The following NSD1 variants were observed in gnomAD, a reference collection of about 807,000 sequenced individuals.
NSD1 encodes the protein histone-lysine N-methyltransferase, H3 lysine-36 specific.
A neutral mutation model predicts 242.7 loss-of-function variants in NSD1; 26 were observed. The observed-to-expected ratio is 0.11, with a 90% CI of 0.08 to 0.15. The LOEUF (loss-of-function observed/expected upper bound fraction) is 0.15, where lower values mean the gene tolerates loss of function less well. Ranked by LOEUF, NSD1 falls within the 10% of genes least tolerant of loss-of-function variation. The probability of loss-of-function intolerance (pLI) is 1.00; values close to 1 mark genes in which losing one functional copy is unlikely to be tolerated. For missense variants in NSD1, 2,495 were observed against 3,272.8 expected (o/e 0.76, Z 5.80); for synonymous variants, 1,106 against 1,178.1 (o/e 0.94, Z 1.25).
At chr5:177,220,663 G>A (rs1038207470) in intron 5 of NSD1, among the ~76,000 whole-genome samples, 3 of 144,140 alleles carry the variant, frequency 2.1e-5, no homozygotes, top group East Asian at 2.3e-4. Flanking sequence ...TCCGCCTCCC[G>A]GGTTCAAGTA....
At chr5:177,208,975 C>CCCACACA (rs1279300733) in intron 4 of NSD1, among the ~76,000 whole-genome samples, 2 of 151,938 alleles carry the variant, frequency 1.3e-5, no homozygotes, top group African/African-American at 2.4e-5. Context: ...GGATTACAGG[C>CCCACACA]GTGAGCCACA....
At chr5:177,163,880 T>G (rs1398493579) in intron 2 of NSD1, among the ~76,000 whole-genome samples, 1 of 152,208 alleles carries the variant, frequency 6.6e-6, no homozygotes, top group Non-Finnish European at 1.5e-5. Context: ...GAGCATTTAC[T>G]TTCTGTTAGG....
intron 4 of NSD1, among the ~76,000 whole-genome samples, chr5:177,208,588 C>T (rs1020813293): frequency 1.1e-4 from 16 of 150,604 alleles, no homozygotes; most frequent in Admixed American, 8.6e-4. Context: ...AGTACAGTGG[C>T]GTGATCTCAG....
rs1756189774 is a variant in NSD1, at chr5:177,134,974, G to C, written c.-17-113G>C. The C allele has an allele frequency of 4.4e-6, 4 of 905,032 alleles. No individual in the cohort carries two copies. Among genetic ancestry groups the C allele is most frequent in the Non-Finnish European group, 7.0e-6 (4 of 569,974 alleles). The allele number at this position is 905,032 out of a possible 1,614,324, so 56.1% of individuals were successfully genotyped here. A position where few individuals can be genotyped will look rare whatever the true frequency, so the allele number is the denominator to read the frequency against. ...GTCGGGGGAACTTTTTCTGCCCATG[G>C]AAGTGCAGCAGAAAGGCATAGAGGC... On this transcript the variant is annotated intron_variant, in intron 1 of 22. Coordinates refer to ENST00000439151, the MANE Select transcript of NSD1 (RefSeq NM_022455.5). This position sits in a 1 kb window ranked among gnomAD's most constrained non-coding sequence, Gnocchi z 4.2.
At chr5:177,289,320 CA>C (rs911985681) in intron 21 of NSD1, among the ~76,000 whole-genome samples, 48 of 140,880 alleles carry the variant, frequency 3.4e-4, no homozygotes, top group East Asian at 1.2e-3. Context: ...GACTCCTTCT[CA>C]AAAAAAAAAA....
At chr5:177,237,676 G>A (rs1179810961) in intron 6 of NSD1, among the ~76,000 whole-genome samples, 1 of 151,608 alleles carries the variant, frequency 6.6e-6, no homozygotes, top group Non-Finnish European at 1.5e-5. Flanking sequence ...GGGACTACAG[G>A]TGCCCGCCAC....
chr5:177,283,775 T>C lies in NSD1; in HGVS notation c.6010-12T>C, dbSNP rs1316542449. The C allele has an allele frequency of 6.2e-6, 10 of 1,614,078 alleles. No homozygotes were observed. The highest frequency in any genetic ancestry group is 8.5e-6 in the Non-Finnish European group (10 of 1,179,966). The stretch of plus-strand genomic sequence containing the variant: ...CAGGAAGTCTGATGTGTAGCTTCTT[T>C]TGGAATTCTAGGACCGAATCATTGA... On this transcript the variant is annotated splice_polypyrimidine_tract_variant and intron_variant, in intron 19 of 22. Transcript: ENST00000439151.
rs891232878 is a variant in NSD1, at chr5:177,192,103, T to G, written c.1063+84T>G. 3.2e-6 allele frequency: 4 copies of G among 1,242,506 alleles called. No homozygotes were observed. The Admixed American group carries it at 1.0e-4, about 31-fold the overall frequency. The allele number at this position is 1,242,506 out of a possible 1,614,324, so 77.0% of individuals were successfully genotyped here. On this transcript the variant is annotated intron_variant, in intron 3 of 22. Coordinates refer to ENST00000439151, the MANE Select transcript of NSD1 (RefSeq NM_022455.5). ...TTGTTATCTTAATAATAATATATTT[T>G]TTTCCTTGGAACATTTTGTGAATGA...
At chr5:177,191,133 G>A (rs1225872642) in intron 2 of NSD1, among the ~76,000 whole-genome samples, 1 of 151,640 alleles carries the variant, frequency 6.6e-6, no homozygotes, top group African/African-American at 2.4e-5. Flanking sequence ...AACACCCCCG[G>A]CTAATTTTTG....
intron 8 of NSD1, among the ~76,000 whole-genome samples, chr5:177,241,343 A>C (rs76885838): frequency 7.6e-6 from 1 of 130,962 alleles, no homozygotes; most frequent in African/African-American, 3.0e-5. Flanking sequence ...CTAATAATAC[A>C]AAAAAAAAAA....
At chr5:177,195,905 T>A (rs1291564311) in intron 3 of NSD1, among the ~76,000 whole-genome samples, 1 of 152,200 alleles carries the variant, frequency 6.6e-6, no homozygotes, top group South Asian at 2.1e-4. Context: ...CTGCTTGCTC[T>A]CATGAGAAAT....
intron 3 of NSD1, among the ~76,000 whole-genome samples, chr5:177,199,639 C>A (rs1306655438): frequency 6.7e-6 from 1 of 149,472 alleles, no homozygotes; most frequent in African/African-American, 2.5e-5. Context: ...CTCTCTCTGT[C>A]ACCAGACTAG....
intron 9 of NSD1, 141 bp from the exon 10 acceptor site, chr5:177,246,534 AATT>A: frequency 1.5e-6 from 1 of 688,092 alleles, no homozygotes; most frequent in Non-Finnish European, 2.7e-6. Flanking sequence ...AGTTAGTCTC[AATT>A]ATTATTTCCC....
rs1434658964 is a variant in NSD1 at position 177,210,256 on chromosome 5, G to A, written c.1857G>A (p.Val619=). 2 of 1,600,694 alleles carry A rather than the reference G, an allele frequency of 1.2e-6. No homozygotes were observed. Among genetic ancestry groups the A allele is most frequent in the South Asian group, 2.2e-5 (2 of 89,396 alleles). ...PQRSLVCGSK[V]KLCYIGAGDE... ...GAAGCCTGGTGTGTGGTTCAAAAGT[G>A]AAGCTCTGCTATATTGGAGCAGGTG... Residue 619 remains valine (V), a synonymous_variant, in exon 5 of 23, where the codon GTG becomes GTA. Coordinates refer to ENST00000439151, the MANE Select transcript of NSD1 (RefSeq NM_022455.5).
chr5:177,203,386 G>T (rs1762643992), intron 3 of NSD1, among the ~76,000 whole-genome samples: 1 of 151,744 alleles, frequency 6.6e-6, no homozygotes, highest in African/African-American at 2.4e-5. Flanking sequence ...GAAATTATAG[G>T]CTAAACTGGA....
At chr5:177,156,340 C>T (rs1483729574) in intron 2 of NSD1, among the ~76,000 whole-genome samples, 2 of 151,704 alleles carry the variant, frequency 1.3e-5, no homozygotes, top group Admixed American at 6.6e-5. Context: ...ACCACTATGC[C>T]CAGCTAATTT....
chr5:177,244,206 T>C lies in NSD1; in HGVS notation c.4314T>C (p.Ala1438=). ...DLGLSKKCYE[A]GHLENGITES... Reference sequence around the variant, plus strand: ...TCACTTATTTATAGTGCTATGAAGCTGGTCACCTGGAGAATGGCATAACTG... The same window carrying C: ...TCACTTATTTATAGTGCTATGAAGCCGGTCACCTGGAGAATGGCATAACTG... Residue 1438 remains alanine, a synonymous_variant, in exon 9 of 23, where the codon GCT becomes GCC. Transcript: ENST00000439151. 6.2e-7 allele frequency: 1 copy of C among 1,612,352 alleles called. No homozygotes were observed. Among genetic ancestry groups the C allele is most frequent in the South Asian group, 1.1e-5 (1 of 90,982 alleles).
Position 177,239,746 on chromosome 5 carries a change from T to G in NSD1, c.4193-10T>G. 6.7e-7 allele frequency: 1 copy of G among 1,499,258 alleles called. No individual in the cohort carries two copies. Among genetic ancestry groups the G allele is most frequent in the Non-Finnish European group, 9.3e-7 (1 of 1,076,140 alleles). The allele number at this position is 1,499,258 out of a possible 1,614,324, so 92.9% of individuals were successfully genotyped here. ...CTAAATCATCTAATGTAAAGATACA[T>G]GCATTTCAGGAAATTATGAAAGTAA... On this transcript the variant is annotated splice_polypyrimidine_tract_variant and intron_variant, in intron 7 of 22. Coordinates refer to ENST00000439151, the MANE Select transcript of NSD1 (RefSeq NM_022455.5).
At chr5:177,207,593 ATTTTTTTTTTTTTTTTTTTT>A (rs150492535) in intron 4 of NSD1, among the ~76,000 whole-genome samples, 2 of 78,218 alleles carry the variant, frequency 2.6e-5, no homozygotes, top group Non-Finnish European at 4.3e-5. Flanking sequence ...ATTTATTTAA[ATTTTTTTTTTTTTTTTTTTT>A]TTTTTTTTTA....
Sources: gnomAD v4.1 joint callset for allele counts (sites outside exome capture counted in the v4.1 genomes callset) on GRCh38, gnomAD v4.1.1 for gene constraint, Gnocchi (gnomAD v3.1) non-coding constraint, MANE v1.5 for transcripts, NCBI Gene and HGNC (gene_info 2026-07-23, HGNC 2026-07-21) for gene names.